PRKCE: variants seen among roughly 807,000 people sequenced by gnomAD.
PRKCE encodes protein kinase C epsilon type.
In PRKCE, 16 loss-of-function variants were observed where a neutral mutation model predicts 85.4. The observed-to-expected ratio is 0.19, with a 90% CI of 0.13 to 0.28. PRKCE has a LOEUF of 0.28. PRKCE is among the 10% of genes least tolerant of loss of function. The pLI, the probability that PRKCE is intolerant of heterozygous loss-of-function variation, is 1.00. For synonymous variants in PRKCE, 388 were observed against 371.5 expected (o/e 1.04, Z -0.51); for missense variants, 573 against 975.2 (o/e 0.59, Z 5.49).
At chr2:46,027,748 T>C (rs900910719) in intron 10 of PRKCE, among the ~76,000 whole-genome samples, 2 of 152,200 alleles carry the variant, frequency 1.3e-5, no homozygotes, top group African/African-American at 2.4e-5. Context: ...TTTGGCAGTA[T>C]GATCTGTCTC....
At chr2:45,992,884 C>T (rs993575851) in intron 6 of PRKCE, among the ~76,000 whole-genome samples, 10 of 152,196 alleles carry the variant, frequency 6.6e-5, no homozygotes, top group African/African-American at 2.4e-4. Context: ...AACACTGCTG[C>T]TGCTGCACCA....
intron 2 of PRKCE, among the ~76,000 whole-genome samples, chr2:45,884,984 TATATATATATATATA>T (rs1425004526): frequency 0.013 from 980 of 77,096 alleles, 76 homozygotes; most frequent in South Asian, 0.07. Flanking sequence ...TATATATATA[TATATATATATATATA>T]TATTTGTTGT....
At chr2:46,061,855 TTTTC>T (rs1200721562) in intron 10 of PRKCE, among the ~76,000 whole-genome samples, 110 of 90,982 alleles carry the variant, frequency 1.2e-3, no homozygotes, top group Middle Eastern at 6.7e-3. Flanking sequence ...TTTCTTTTCT[TTTTC>T]TTTTTTTTTT....
intron 6 of PRKCE, among the ~76,000 whole-genome samples, chr2:46,000,142 G>GT (rs941761913): frequency 2.6e-4 from 39 of 150,042 alleles, no homozygotes; most frequent in Non-Finnish European, 5.3e-4. Flanking sequence ...GTTTTTTGGG[G>GT]TTTTTTTGTT....
Position 46,155,766 on chromosome 2 carries a change from C to G in PRKCE, c.1921-3840C>G, listed in dbSNP as rs993838260. Among the ~76,000 whole-genome samples the G allele has an allele frequency of 6.6e-6, 1 of 152,160 alleles. No homozygotes were observed. Among genetic ancestry groups the G allele is most frequent in the African/African-American group, 2.4e-5 (1 of 41,424 alleles). ...CATCAAGTCCGTTCCCCCTGCTAACCTTTTCCATTTGAGTTACCTTTCTCC... is the reference window on the plus strand; with the variant it reads ...CATCAAGTCCGTTCCCCCTGCTAACGTTTTCCATTTGAGTTACCTTTCTCC... On this transcript the variant is annotated intron_variant, in intron 13 of 14. Transcript: ENST00000306156. This position sits in a 1 kb window ranked among gnomAD's most constrained non-coding sequence, Gnocchi z 4.7.
chr2:45,897,852 G>A (rs1696267368), intron 2 of PRKCE, among the ~76,000 whole-genome samples: 1 of 152,200 alleles, frequency 6.6e-6, no homozygotes, highest in African/African-American at 2.4e-5. Flanking sequence ...AATTATTTGA[G>A]TTAAGAAGTG....
intron 2 of PRKCE, among the ~76,000 whole-genome samples, chr2:45,858,897 C>T (rs1263158636): frequency 6.6e-6 from 1 of 151,748 alleles, no homozygotes; most frequent in African/African-American, 2.4e-5. Flanking sequence ...AAAAATTAGC[C>T]GGGCATGGTG....
intron 10 of PRKCE, among the ~76,000 whole-genome samples, chr2:46,085,528 G>A (rs1669513935): frequency 6.6e-6 from 1 of 152,060 alleles, no homozygotes; most frequent in Non-Finnish European, 1.5e-5. Flanking sequence ...GCCTCTTCCA[G>A]CTTCTGGGGC....
At chr2:46,165,622 T>C (rs1178298374) in intron 14 of PRKCE, among the ~76,000 whole-genome samples, 1 of 152,234 alleles carries the variant, frequency 6.6e-6, no homozygotes, top group Non-Finnish European at 1.5e-5. Context: ...GTGTTACTGA[T>C]GGGCTTGCCT....
chr2:45,978,811 G>C (rs540704638), intron 3 of PRKCE, among the ~76,000 whole-genome samples, 165 bp from the exon 4 acceptor site: 40 of 152,330 alleles, frequency 2.6e-4, no homozygotes, highest in African/African-American at 9.6e-4. Flanking sequence ...CTTCTGGAAG[G>C]AGACATTTAA....
intron 2 of PRKCE, among the ~76,000 whole-genome samples, chr2:45,901,614 A>T (rs1030354431): frequency 1.3e-5 from 2 of 152,214 alleles, no homozygotes; most frequent in Non-Finnish European, 2.9e-5. Context: ...TTCACCTGAG[A>T]TGGAAAGAAA....
At chr2:45,761,037 A>T (rs1352886116) in intron 1 of PRKCE, among the ~76,000 whole-genome samples, 1 of 152,152 alleles carries the variant, frequency 6.6e-6, no homozygotes, top group Non-Finnish European at 1.5e-5. Flanking sequence ...TACTTAAAAA[A>T]AAATTTAAGG....
At chr2:45,838,292 G>A (rs1441107680) in intron 1 of PRKCE, among the ~76,000 whole-genome samples, 4 of 152,216 alleles carry the variant, frequency 2.6e-5, no homozygotes, top group Non-Finnish European at 5.9e-5. Flanking sequence ...CTGGGGTTGT[G>A]AGCATGACTT....
chr2:46,136,394 A>G (rs1053242700), intron 11 of PRKCE, among the ~76,000 whole-genome samples: 2 of 152,206 alleles, frequency 1.3e-5, no homozygotes, highest in Non-Finnish European at 2.9e-5. Context: ...TGTTATTCTT[A>G]GGGAATCTAC....
chr2:45,873,762 C>T lies in PRKCE; in HGVS notation c.412+30699C>T, dbSNP rs1432941357. Among the ~76,000 whole-genome samples the T allele has an allele frequency of 3.9e-5, 6 of 152,178 alleles. No homozygotes were observed. The South Asian group carries it at 8.3e-4, about 21-fold the overall frequency. ...CTCTTGCCTCAGTGTCGGTGTGTTC[C>T]CTGAGAGCAGTCCTCCCTGTGAGCC... is the stretch of plus-strand genomic sequence containing the variant. On this transcript the variant is annotated intron_variant, in intron 2 of 14. Transcript: ENST00000306156.
chr2:45,999,897 C>A (rs1704528719), intron 6 of PRKCE, among the ~76,000 whole-genome samples: 1 of 152,182 alleles, frequency 6.6e-6, no homozygotes, highest in South Asian at 2.1e-4. Flanking sequence ...ATAAGCCCAT[C>A]AGAAGCTTTC....
chr2:45,886,299 G>A (rs534953930), intron 2 of PRKCE, among the ~76,000 whole-genome samples: 4 of 152,252 alleles, frequency 2.6e-5, no homozygotes, highest in South Asian at 4.1e-4. Flanking sequence ...TCTGAGCTCC[G>A]TAGCCTGTGT....
intron 10 of PRKCE, among the ~76,000 whole-genome samples, chr2:46,065,276 G>A (rs1193358665): frequency 1.3e-5 from 2 of 152,012 alleles, no homozygotes; most frequent in Non-Finnish European, 2.9e-5. Flanking sequence ...AGGGGCCAGG[G>A]AGTGTGTCTG....
intron 1 of PRKCE, among the ~76,000 whole-genome samples, chr2:45,730,847 T>A (rs746550477): frequency 6.6e-6 from 1 of 152,184 alleles, no homozygotes; most frequent in Non-Finnish European, 1.5e-5. Context: ...CATTAAAAAA[T>A]TAATTTTGTG....
Sources: gnomAD v4.1 joint callset for allele counts (sites outside exome capture counted in the v4.1 genomes callset) on GRCh38, gnomAD v4.1.1 for gene constraint, Gnocchi (gnomAD v3.1) non-coding constraint, MANE v1.5 for transcripts, NCBI Gene and HGNC (gene_info 2026-07-23, HGNC 2026-07-21) for gene names.